PCSK5: variants seen among roughly 807,000 people sequenced by gnomAD.
The protein encoded by PCSK5 is proprotein convertase subtilisin/kexin type 5, also known as prohormone convertase 5.
In PCSK5, 129 loss-of-function variants were observed where a neutral mutation model predicts 233.2. The observed-to-expected ratio is 0.55, with a 90% CI of 0.48 to 0.64. The LOEUF is 0.64. PCSK5 is among the 30% of genes least tolerant of loss of function. The pLI, the probability that PCSK5 is intolerant of heterozygous loss-of-function variation, is 0.00. For synonymous variants in PCSK5, 825 were observed against 879.2 expected (o/e 0.94, Z 1.09); for missense variants, 2,076 against 2,430.1 (o/e 0.85, Z 3.06).
At chr9:76,349,116 A>T (rs1830050998) in intron 35 of PCSK5, among the ~76,000 whole-genome samples, 1 of 9,032 alleles carries the variant, frequency 1.1e-4, no homozygotes, top group African/African-American at 1.4e-4. Flanking sequence ...CTAAAAACAT[A>T]AAAAAAAATT....
intron 16 of PCSK5, among the ~76,000 whole-genome samples, chr9:76,184,083 T>C (rs1386355201): frequency 6.6e-6 from 1 of 152,232 alleles, no homozygotes; most frequent in Non-Finnish European, 1.5e-5. Flanking sequence ...ATCTGAATTG[T>C]AATAACATTT....
At chr9:75,922,792 C>T (rs1476846885) in intron 1 of PCSK5, among the ~76,000 whole-genome samples, 1 of 152,130 alleles carries the variant, frequency 6.6e-6, no homozygotes, top group Admixed American at 6.5e-5. Context: ...GTTGGGCAGA[C>T]CATCAGATTT....
chr9:75,999,950 C>T (rs988325108), intron 3 of PCSK5, among the ~76,000 whole-genome samples: 1 of 152,206 alleles, frequency 6.6e-6, no homozygotes, highest in African/African-American at 2.4e-5. Context: ...TAAAGAGCTT[C>T]TGCACAGCAA....
chr9:76,067,933 A>AGT, intron 5 of PCSK5, 22 bp from the exon 6 acceptor site: 1 of 1,599,284 alleles, frequency 6.3e-7, no homozygotes, highest in Non-Finnish European at 8.6e-7. Context: ...TACTTGAGAA[A>AGT]GTGTGTGTGT....
At chr9:76,312,664 A>G (rs1049825613) in intron 30 of PCSK5, among the ~76,000 whole-genome samples, 2 of 152,172 alleles carry the variant, frequency 1.3e-5, no homozygotes, top group African/African-American at 4.8e-5. Flanking sequence ...AAAGCATCCA[A>G]TCTAGTGTAG....
At position 76,295,347 on chromosome 9, in the gene PCSK5, T is replaced by C; in HGVS notation, c.3258T>C (p.Asp1086=). ...AGGAAGTGGAATGCAAGGCGTGTGA[T>C]AGTAACTGTGGCAGCTGTGACCAGA... The part of the protein sequence containing the change: ...YSEEVECKAC[D]SNCGSCDQNG... The change falls in exon 26 of 38, where the codon GAT becomes GAC. Residue 1086 remains aspartate (D), a synonymous_variant. Transcript: ENST00000674117. 1 of 1,612,092 alleles carries C rather than the reference T, an allele frequency of 6.2e-7. No homozygotes were observed. Among genetic ancestry groups the C allele is most frequent in the Non-Finnish European group, 8.5e-7 (1 of 1,179,210 alleles).
intron 17 of PCSK5, among the ~76,000 whole-genome samples, chr9:76,186,825 G>A (rs1824127532): frequency 6.6e-6 from 1 of 152,064 alleles, no homozygotes; most frequent in Non-Finnish European, 1.5e-5. Context: ...AAAGGGAAAG[G>A]GATTTTCTTT....
Position 76,093,582 on chromosome 9 carries a change from T to TAC in PCSK5, c.895-2291_895-2290dup, listed in dbSNP as rs3074176. Reference sequence around the variant, plus strand: ...TCATAATTTTATATATATATATATATACACACACACACACACACGTGCTTG... The same window carrying TAC: ...TCATAATTTTATATATATATATATATACACACACACACACACACACGTGCTTG... On this transcript the variant is annotated intron_variant, in intron 7 of 37. Coordinates refer to ENST00000674117, the MANE Select transcript of PCSK5 (RefSeq NM_001372043.1). Among the ~76,000 whole-genome samples, 415 of 149,930 alleles carry TAC rather than the reference T, an allele frequency of 2.8e-3. 2 individuals are homozygous for TAC. Among genetic ancestry groups the TAC allele is most frequent in the African/African-American group, 6.9e-3 (280 of 40,760 alleles).
At chr9:76,041,816 G>T (rs1164634185) in intron 5 of PCSK5, among the ~76,000 whole-genome samples, 2 of 148,192 alleles carry the variant, frequency 1.3e-5, no homozygotes, top group Non-Finnish European at 3.0e-5. Context: ...CCCAGTCTGG[G>T]TGACAGAGCA....
intron 37 of PCSK5, among the ~76,000 whole-genome samples, chr9:76,355,710 T>G (rs1273314816): frequency 6.6e-6 from 1 of 152,054 alleles, no homozygotes; most frequent in East Asian, 1.9e-4. Flanking sequence ...TTTTTCTTTT[T>G]CTTTTTTTGT....
intron 10 of PCSK5, among the ~76,000 whole-genome samples, chr9:76,147,026 A>G (rs1823469386): frequency 6.6e-6 from 1 of 152,126 alleles, no homozygotes; most frequent in East Asian, 1.9e-4. Flanking sequence ...AATGTGCTTC[A>G]GTTGTAGGGG....
At chr9:76,062,729 C>G (rs1307566299) in intron 5 of PCSK5, among the ~76,000 whole-genome samples, 2 of 152,050 alleles carry the variant, frequency 1.3e-5, no homozygotes, top group Non-Finnish European at 2.9e-5. Context: ...TATATGCATG[C>G]AATGTATGAT....
At chr9:76,049,489 T>C (rs9886813) in intron 5 of PCSK5, among the ~76,000 whole-genome samples, 31,392 of 152,158 alleles carry the variant, frequency 0.21, 3,455 homozygotes, top group Non-Finnish European at 0.23. Flanking sequence ...GTGGTGTAGC[T>C]AATTTGAAAT....
intron 1 of PCSK5, among the ~76,000 whole-genome samples, chr9:75,921,438 A>G (rs970840888): frequency 6.6e-6 from 1 of 152,100 alleles, no homozygotes; most frequent in African/African-American, 2.4e-5. Flanking sequence ...AATATGTACT[A>G]TTTTCTGTTT....
chr9:76,148,880 T>A (rs770916783), intron 10 of PCSK5, among the ~76,000 whole-genome samples: 3 of 152,236 alleles, frequency 2.0e-5, no homozygotes, highest in Non-Finnish European at 2.9e-5. Flanking sequence ...ATTTCCTTGA[T>A]CGTTGGCCCT....
Position 76,328,165 on chromosome 9 carries a change from A to G in PCSK5, c.4496A>G (p.His1499Arg). The G allele has an allele frequency of 6.2e-7, 1 of 1,612,818 alleles. No individual in the cohort carries two copies. The highest frequency in any genetic ancestry group is 8.5e-7 in the Non-Finnish European group (1 of 1,179,848). The change falls in exon 33 of 38, where the codon CAT becomes CGT. Residue 1499 changes from histidine (H) to arginine (R), a missense_variant. Physicochemically the swap from His to Arg is conservative, Grantham distance 29. Coordinates refer to ENST00000674117, the MANE Select transcript of PCSK5 (RefSeq NM_001372043.1). ...GATGCTCCCGGGTGCAAGCCCTGCC[A>G]TGTTAAGTGCTTCCACTGCATGGGG... ...DEDAPGCKPC[H>R]VKCFHCMGPA...
intron 21 of PCSK5, among the ~76,000 whole-genome samples, chr9:76,230,402 AG>A (rs532786565): frequency 6.6e-6 from 1 of 152,232 alleles, no homozygotes; most frequent in Non-Finnish European, 1.5e-5. Context: ...TAAACATGGA[AG>A]GGTTCTATAT....
chr9:76,079,179 C>A (rs532218537), intron 7 of PCSK5, among the ~76,000 whole-genome samples: 74 of 151,960 alleles, frequency 4.9e-4, no homozygotes, highest in Non-Finnish European at 7.2e-4. Flanking sequence ...TCTTGGCTCA[C>A]TGCAACCTCC....
At chr9:76,222,464 C>T (rs1230362243) in intron 20 of PCSK5, among the ~76,000 whole-genome samples, 1 of 152,190 alleles carries the variant, frequency 6.6e-6, no homozygotes, top group Non-Finnish European at 1.5e-5. Flanking sequence ...CCTTCATCAT[C>T]TTCTTCCACT....
Sources: allele counts gnomAD v4.1 joint callset (sites outside exome capture counted in the v4.1 genomes callset), GRCh38; gene constraint gnomAD v4.1.1; transcripts MANE v1.5; gene names NCBI Gene and HGNC (gene_info 2026-07-23, HGNC 2026-07-21).